VEZT: variants seen among roughly 807,000 people sequenced by gnomAD.
VEZT encodes the protein vezatin.
A neutral mutation model predicts 79.9 loss-of-function variants in VEZT; 39 were observed. That is an observed-to-expected ratio of 0.49 (90% CI 0.38 to 0.64). VEZT has a LOEUF of 0.64. VEZT is among the 30% of genes least tolerant of loss of function. VEZT has a pLI of 0.00. For synonymous variants in VEZT, 325 were observed against 327.6 expected (o/e 0.99, Z 0.09); for missense variants, 837 against 893.1 (o/e 0.94, Z 0.80).
At chr12:95,295,515 A>G (rs1205533752) in intron 10 of VEZT, among the ~76,000 whole-genome samples, 1 of 152,200 alleles carries the variant, frequency 6.6e-6, no homozygotes, top group Non-Finnish European at 1.5e-5. Flanking sequence ...AGGTACGTCG[A>G]TTAGAGAATC....
intron 1 of VEZT, among the ~76,000 whole-genome samples, chr12:95,246,384 A>G (rs536050098): frequency 9.9e-5 from 15 of 152,220 alleles, no homozygotes; most frequent in African/African-American, 3.6e-4. Flanking sequence ...TGGCCTCCCA[A>G]AGTGCTGGGA....
intron 2 of VEZT, among the ~76,000 whole-genome samples, chr12:95,253,496 G>A (rs2062950439): frequency 6.6e-6 from 1 of 152,178 alleles, no homozygotes; most frequent in African/African-American, 2.4e-5. Flanking sequence ...TTTTAAGAGT[G>A]AATGTTCCTG....
chr12:95,253,919 G>C (rs2063026669), intron 2 of VEZT, among the ~76,000 whole-genome samples: 2 of 152,066 alleles, frequency 1.3e-5, no homozygotes, highest in Admixed American at 6.5e-5. Flanking sequence ...GGGCAACATA[G>C]CAAGACCCCA....
At chr12:95,292,760 G>A (rs1594193480) in intron 9 of VEZT, among the ~76,000 whole-genome samples, 1 of 151,384 alleles carries the variant, frequency 6.6e-6, no homozygotes, top group Non-Finnish European at 1.5e-5. Context: ...TATTAGCCAG[G>A]CTGGTCTCAA....
chr12:95,235,268 C>G (rs1347805127), intron 1 of VEZT, among the ~76,000 whole-genome samples: 4 of 74,212 alleles, frequency 5.4e-5, no homozygotes, highest in African/African-American at 3.9e-4. Flanking sequence ...CCGGACAGGG[C>G]GGCTGGCCGG....
In VEZT at chr12:95,270,204, T is replaced by A. The variant is rs2066327256; in HGVS notation, c.848+16T>A. On this transcript the variant is annotated intron_variant, in intron 6 of 11. Coordinates refer to ENST00000436874, the MANE Select transcript of VEZT (RefSeq NM_017599.4). ...TGCTGAAAAAATATCCTTTTCTGTT[T>A]ATATATGAAACTAAGCAATGTTTCT... 1 of 1,579,848 alleles carries A rather than the reference T, an allele frequency of 6.3e-7. No individual in the cohort carries two copies. Among genetic ancestry groups the A allele is most frequent in the African/African-American group, 1.4e-5 (1 of 73,694 alleles).
At chr12:95,295,549 A>G (rs1039510709) in intron 10 of VEZT, among the ~76,000 whole-genome samples, 1 of 152,174 alleles carries the variant, frequency 6.6e-6, no homozygotes, top group Non-Finnish European at 1.5e-5. Context: ...CTGAGCCTAT[A>G]CTGTAAGGAT....
intron 3 of VEZT, among the ~76,000 whole-genome samples, chr12:95,260,702 G>C (rs995326036): frequency 6.6e-6 from 1 of 152,142 alleles, no homozygotes; most frequent in African/African-American, 2.4e-5. Flanking sequence ...AGCTTTTGTA[G>C]CAAAAGTTTG....
intron 1 of VEZT, among the ~76,000 whole-genome samples, chr12:95,236,304 T>A (rs1400322072): frequency 6.6e-6 from 1 of 152,078 alleles, no homozygotes; most frequent in Non-Finnish European, 1.5e-5. Context: ...GCGCCTGTAA[T>A]CGCAGGCACT....
chr12:95,241,144 G>A lies in VEZT; in HGVS notation c.37-10796G>A, dbSNP rs376229629. Among the ~76,000 whole-genome samples, 226 of 152,224 alleles carry A rather than the reference G, an allele frequency of 1.5e-3. 5 individuals carry two copies. In the South Asian group the frequency reaches 0.046, roughly 31 times the overall value. ...CCTCCCGGGTTCAAGTGATTCTCCT[G>A]CCTCAGGCCTCCCAAGTAGTTGGGA... On this transcript the variant is annotated intron_variant, in intron 1 of 11. Coordinates refer to ENST00000436874, the MANE Select transcript of VEZT (RefSeq NM_017599.4).
At chr12:95,221,834 C>CTAAA (rs2057640428) in intron 1 of VEZT, among the ~76,000 whole-genome samples, 2 of 149,908 alleles carry the variant, frequency 1.3e-5, no homozygotes, top group African/African-American at 2.5e-5. Flanking sequence ...GACCATATCT[C>CTAAA]TAAATAAATA....
intron 1 of VEZT, among the ~76,000 whole-genome samples, chr12:95,226,098 TAAA>T (rs11309269): frequency 1.3e-4 from 18 of 137,526 alleles, no homozygotes; most frequent in Non-Finnish European, 1.6e-4. Flanking sequence ...TGCCTTTATT[TAAA>T]AAAAAAAAAA....
In VEZT at chr12:95,274,627, AC is replaced by A. The variant is rs1228607420; in HGVS notation, c.849-113del. 6.2e-6 allele frequency: 7 copies of A among 1,132,464 alleles called. No individual in the cohort carries two copies. In the African/African-American group the frequency reaches 1.1e-4, roughly 18 times the overall value. The allele number at this position is 1,132,464 out of a possible 1,614,324, so 70.2% of individuals were successfully genotyped here. ...AATTTGTGTTTAAAAACTGCTGTAAACCTCCTCATCCAAAAGTTCAGAATAA... is the reference window on the plus strand; with the variant it reads ...AATTTGTGTTTAAAAACTGCTGTAAACTCCTCATCCAAAAGTTCAGAATAA... On this transcript the variant is annotated intron_variant, in intron 6 of 11. Coordinates refer to ENST00000436874, the MANE Select transcript of VEZT (RefSeq NM_017599.4).
rs778667079 is a variant in VEZT, at chr12:95,251,961, T to C, written c.58T>C (p.Leu20=). 2.5e-6 allele frequency: 4 copies of C among 1,609,564 alleles called. No homozygotes were observed. The highest frequency in any genetic ancestry group is 3.4e-6 in the Non-Finnish European group (4 of 1,178,328). ...TCAGAATTCTCCACTTTACCAATAC[T>C]TACAGGATCTGGGACACACAGACTT... ...VFENSPLYQY[L]QDLGHTDFEI... The change falls in exon 2 of 12, where the codon TTA becomes CTA. Residue 20 remains leucine (L), a synonymous_variant. Transcript: ENST00000436874.
Position 95,287,694 on chromosome 12 carries a change from G to C in VEZT, c.1359G>C (p.Lys453Asn). 6.3e-7 allele frequency: 1 copy of C among 1,578,058 alleles called. No individual in the cohort carries two copies. The highest frequency in any genetic ancestry group is 8.6e-7 in the Non-Finnish European group (1 of 1,160,766). ...TAATTCTTGAAGATGAACTTGAAAA[G>C]CTTGTTTGTACTAAAGAAACACAAG... ...EVIILEDELE[K>N]LVCTKETQEL... The change falls in exon 9 of 12, where the codon AAG becomes AAC. Residue 453 changes from lysine to asparagine, a missense_variant. Lys to Asn is a moderately conservative substitution (Grantham distance 94, BLOSUM62 0). Transcript: ENST00000436874.
chr12:95,245,497 T>A (rs1438788803), intron 1 of VEZT: 2 of 456,310 alleles, frequency 4.4e-6, no homozygotes, highest in Admixed American at 4.7e-5. Flanking sequence ...GAAAAACTGT[T>A]CCTGTTTTGT....
At chr12:95,279,209 AT>A (rs1363928935) in intron 7 of VEZT, among the ~76,000 whole-genome samples, 3 of 152,210 alleles carry the variant, frequency 2.0e-5, no homozygotes, top group Non-Finnish European at 2.9e-5. Context: ...TAATCCAAAA[AT>A]TTGAAATTTG....
At chr12:95,298,123 A>AAAT (rs557389826) in intron 11 of VEZT, among the ~76,000 whole-genome samples, 1,547 of 149,752 alleles carry the variant, frequency 0.01, 17 homozygotes, top group African/African-American at 0.021. Flanking sequence ...CTCTCTCAAA[A>AAAT]AATAATAATA....
chr12:95,254,574 T>C (rs1266770987), intron 2 of VEZT, among the ~76,000 whole-genome samples: 1 of 152,088 alleles, frequency 6.6e-6, no homozygotes, highest in African/African-American at 2.4e-5. Context: ...CTTAAACTCC[T>C]GACCTCAAGT....
Sources: gnomAD v4.1 joint callset for allele counts (sites outside exome capture counted in the v4.1 genomes callset) on GRCh38, gnomAD v4.1.1 for gene constraint, MANE v1.5 for transcripts, NCBI Gene and HGNC (gene_info 2026-07-23, HGNC 2026-07-21) for gene names.